Variants in OLFM1 observed in about 807,000 individuals in gnomAD.
The protein encoded by OLFM1 is olfactomedin 1.
OLFM1 carries 9 observed loss-of-function variants against 49.7 expected under a neutral mutation model. That is an observed-to-expected ratio of 0.18 (90% CI 0.11 to 0.32). The LOEUF (loss-of-function observed/expected upper bound fraction) is 0.32. Ranked by LOEUF, OLFM1 falls within the 10% of genes least tolerant of loss-of-function variation. The pLI, the probability that OLFM1 is intolerant of heterozygous loss-of-function variation, is 1.00. For synonymous variants in OLFM1, 240 were observed against 271.8 expected (o/e 0.88, Z 1.15); for missense variants, 369 against 661.8 (o/e 0.56, Z 4.85).
intron 1 of OLFM1, among the ~76,000 whole-genome samples, chr9:135,081,813 C>G (rs1830536277): frequency 6.6e-6 from 1 of 152,124 alleles, no homozygotes; most frequent in South Asian, 2.1e-4. Context: ...AGGTCCTGAG[C>G]TAAGGTGGCC....
chr9:135,092,031 G>A (rs986207122), intron 2 of OLFM1, among the ~76,000 whole-genome samples: 6 of 152,220 alleles, frequency 3.9e-5, no homozygotes, highest in African/African-American at 1.4e-4. Context: ...TGTGAGGGGC[G>A]GGGGGCCTCT....
Position 135,087,908 on chromosome 9 carries a change from G to A in OLFM1, c.-82G>A. On this transcript the variant is annotated 5_prime_UTR_variant, in exon 1 of 6. Transcript: ENST00000371793. ...ACACAGCCAGGCGCCCCTGCCCGCC[G>A]CGGTGCCCGCCGCCTGAAGGCCGCC... 8.6e-7 allele frequency: 1 copy of A among 1,168,984 alleles called. No homozygotes were observed. The highest frequency in any genetic ancestry group is 2.8e-5 in the South Asian group (1 of 36,012). 72.4% of individuals were successfully genotyped at this position (1,168,984 alleles called of 1,614,324 possible).
At chr9:135,075,636 G>A in exon 1 of OLFM1, 2 of 1,118,056 alleles carry the variant, frequency 1.8e-6, no homozygotes, top group East Asian at 3.2e-5. Context: ...CGGAGCCAGC[G>A]GAGCCGGGGC....
At chr9:135,101,078 C>G (rs1197528462) in intron 4 of OLFM1, among the ~76,000 whole-genome samples, 1 of 152,198 alleles carries the variant, frequency 6.6e-6, no homozygotes, top group Admixed American at 6.5e-5. Context: ...TTCATTTTAG[C>G]CTTGCAAATA....
chr9:135,102,199 G>C (rs1264839606), intron 4 of OLFM1, among the ~76,000 whole-genome samples: 1 of 152,192 alleles, frequency 6.6e-6, no homozygotes, highest in South Asian at 2.1e-4. Context: ...CTGGCACCAT[G>C]CCCTACACTC....
At chr9:135,090,095 G>T in intron 1 of OLFM1, 100 bp from the exon 2 acceptor site, 1 of 1,090,446 alleles carries the variant, frequency 9.2e-7, no homozygotes, top group Non-Finnish European at 1.3e-6. Context: ...TTCCTTGGGG[G>T]TGGATGTGGA....
chr9:135,081,992 GAGA>G (rs1352869800), intron 1 of OLFM1, among the ~76,000 whole-genome samples: 1 of 152,218 alleles, frequency 6.6e-6, no homozygotes, highest in East Asian at 1.9e-4. Context: ...TGCTCACCTG[GAGA>G]AGGTTTCCTG....
In OLFM1 at chr9:135,090,275, G is replaced by C; in HGVS notation, c.231G>C (p.Val77=). The C allele has an allele frequency of 2.5e-6, 4 of 1,614,120 alleles. No individual in the cohort carries two copies. In the South Asian group the frequency reaches 3.3e-5, roughly 13 times the overall value. Residue 77 remains valine (V), a synonymous_variant, in exon 2 of 6, where the codon GTG becomes GTC. Coordinates refer to ENST00000371793, the MANE Select transcript of OLFM1 (RefSeq NM_001282611.2). ...QDSEGRCICT[V]VAPQQTMCSR... ...GCGAGGGCAGGTGTATCTGCACAGT[G>C]GTCGCTCCACAGCAGACCATGTGTT...
intron 2 of OLFM1, among the ~76,000 whole-genome samples, chr9:135,095,487 A>G (rs1299206775): frequency 1.4e-5 from 2 of 147,734 alleles, no homozygotes; most frequent in Non-Finnish European, 3.0e-5. Flanking sequence ...CAACAGAAAG[A>G]CTAGGAACAA....
chr9:135,112,671 C>T (rs945217004), intron 5 of OLFM1, among the ~76,000 whole-genome samples: 2 of 152,214 alleles, frequency 1.3e-5, no homozygotes, highest in Non-Finnish European at 2.9e-5. Context: ...CTTGGGCGGG[C>T]GTCTCCTGGG....
At chr9:135,093,511 T>G (rs1418455068) in intron 2 of OLFM1, among the ~76,000 whole-genome samples, 1 of 152,228 alleles carries the variant, frequency 6.6e-6, no homozygotes. Flanking sequence ...CTCAGTGCAG[T>G]GCCTGGAACA....
intron 2 of OLFM1, among the ~76,000 whole-genome samples, chr9:135,094,877 G>A (rs1020944185): frequency 1.3e-5 from 2 of 152,162 alleles, no homozygotes; most frequent in East Asian, 1.9e-4. Flanking sequence ...CAGCAGAAAA[G>A]TCAGGAGTGA....
intron 2 of OLFM1, among the ~76,000 whole-genome samples, chr9:135,091,577 TCACACACTCACAGTCACACA>T (rs1830691812): frequency 5.2e-4 from 31 of 59,900 alleles, no homozygotes; most frequent in South Asian, 1.2e-3. Context: ...ACACACACAG[TCACACACTCACAGTCACACA>T]CTCACACATA....
At chr9:135,101,627 G>A (rs1168154749) in intron 4 of OLFM1, among the ~76,000 whole-genome samples, 1 of 152,250 alleles carries the variant, frequency 6.6e-6, no homozygotes, top group African/African-American at 2.4e-5. Flanking sequence ...TTCCCCTGGA[G>A]CAAGTCTTGT....
Position 135,087,964 on chromosome 9 carries a change from G to T in OLFM1, c.-26G>T. Reference sequence around the variant, plus strand: ...GCGGGAGCCGGTGCCAGCTCGGAGCGGGCGCTGGAGGCAGCTCGAGGCGCG... The same window carrying T: ...GCGGGAGCCGGTGCCAGCTCGGAGCTGGCGCTGGAGGCAGCTCGAGGCGCG... On this transcript the variant is annotated 5_prime_UTR_variant, in exon 1 of 6. Coordinates refer to ENST00000371793, the MANE Select transcript of OLFM1 (RefSeq NM_001282611.2). 7 of 1,410,382 alleles carry T rather than the reference G, an allele frequency of 5.0e-6. No homozygotes were observed. The highest frequency in any genetic ancestry group is 6.5e-6 in the Non-Finnish European group (7 of 1,069,314). The allele number at this position is 1,410,382 out of a possible 1,614,324, so 87.4% of individuals were successfully genotyped here. A position where few individuals can be genotyped will look rare whatever the true frequency, so the allele number is the denominator to read the frequency against.
At chr9:135,106,910 C>T (rs1830952590) in intron 5 of OLFM1, 55 bp downstream of exon 5, 2 of 1,377,842 alleles carry the variant, frequency 1.5e-6, no homozygotes, top group Non-Finnish European at 2.0e-6. Flanking sequence ...CTCTCGGACA[C>T]CTGGTGGGCC....
In OLFM1 at chr9:135,090,139, C is replaced by T. The variant is rs571944164; in HGVS notation, c.151-56C>T. 5.8e-5 allele frequency: 87 copies of T among 1,512,736 alleles called. No homozygotes were observed. The South Asian group carries it at 1.0e-3, about 17-fold the overall frequency. The allele number at this position is 1,512,736 out of a possible 1,614,324, so 93.7% of individuals were successfully genotyped here. A position where few individuals can be genotyped will look rare whatever the true frequency, so the allele number is the denominator to read the frequency against. Reference sequence around the variant, plus strand: ...CCTGGTTGTTGGCTCTGATACACAACCTCATGGTCTCCCTTTCTCTCCTTC... The same window carrying T: ...CCTGGTTGTTGGCTCTGATACACAATCTCATGGTCTCCCTTTCTCTCCTTC... On this transcript the variant is annotated intron_variant, in intron 1 of 5. Coordinates refer to ENST00000371793, the MANE Select transcript of OLFM1 (RefSeq NM_001282611.2).
intron 4 of OLFM1, among the ~76,000 whole-genome samples, chr9:135,101,453 T>G (rs1830869082): frequency 6.6e-6 from 1 of 152,214 alleles, no homozygotes; most frequent in Non-Finnish European, 1.5e-5. Context: ...CAGAACATAC[T>G]CAGAAACAGA....
At chr9:135,077,378 C>T in intron 1 of OLFM1, 1 of 983,320 alleles carries the variant, frequency 1.0e-6, no homozygotes, top group Non-Finnish European at 1.4e-6. Context: ...CCAAAAGATG[C>T]TTTTCCTCCC....
Sources: gnomAD v4.1 joint callset for allele counts (sites outside exome capture counted in the v4.1 genomes callset) on GRCh38, gnomAD v4.1.1 for gene constraint, MANE v1.5 for transcripts, NCBI Gene and HGNC (gene_info 2026-07-23, HGNC 2026-07-21) for gene names.